Variants in EPHX2 observed in about 807,000 individuals in gnomAD.
EPHX2 encodes the protein bifunctional epoxide hydrolase 2.
Under a neutral mutation model 78.7 loss-of-function variants are expected in EPHX2, and 74 were observed. The ratio of observed to expected loss-of-function variants is 0.94; its 90% CI spans 0.78 to 1.14. EPHX2 has a LOEUF of 1.14. Among genes scored for constraint, EPHX2 ranks in the 50% most tolerant of loss-of-function variants. The pLI is 0.00. For synonymous variants in EPHX2, 251 were observed against 255.2 expected (o/e 0.98, Z 0.16); for missense variants, 715 against 702.5 (o/e 1.02, Z -0.20).
chr8:27,495,181 A>C (rs892426010), intron 1 of EPHX2, among the ~76,000 whole-genome samples: 3 of 152,190 alleles, frequency 2.0e-5, no homozygotes, highest in Admixed American at 1.3e-4. Flanking sequence ...CCCCCTTTCC[A>C]TATTGCAGCA....
At chr8:27,514,029 T>C (rs7000388) in intron 6 of EPHX2, among the ~76,000 whole-genome samples, 43,280 of 152,112 alleles carry the variant, frequency 0.28, 8,993 homozygotes, top group African/African-American at 0.59. Flanking sequence ...AATAAAACTT[T>C]CTGTGGGGCC....
intron 6 of EPHX2, 184 bp downstream of exon 6, chr8:27,512,094 T>G: frequency 3.0e-6 from 1 of 337,398 alleles, no homozygotes. Flanking sequence ...TGAAACCCTG[T>G]CTCAAGAAAA....
downstream of EPHX2, among the ~76,000 whole-genome samples, chr8:27,546,128 C>CAAA (rs368341959): frequency 1.2e-5 from 1 of 86,854 alleles, no homozygotes. Flanking sequence ...GACTCCGACT[C>CAAA]AAAAAAAAAA....
At chr8:27,538,501 G>A (rs1446540320) in intron 13 of EPHX2, among the ~76,000 whole-genome samples, 158 bp from the exon 14 acceptor site, 1 of 152,200 alleles carries the variant, frequency 6.6e-6, no homozygotes, top group Non-Finnish European at 1.5e-5. Context: ...CCACATGTTT[G>A]TTACAGTCTG....
At chr8:27,527,387 A>G (rs575541668) in intron 12 of EPHX2, among the ~76,000 whole-genome samples, 1 of 152,168 alleles carries the variant, frequency 6.6e-6, no homozygotes, top group South Asian at 2.1e-4. Flanking sequence ...ATTGTGGTAA[A>G]ACACATGTAA....
chr8:27,545,836 T>C (rs912188070), downstream of EPHX2, among the ~76,000 whole-genome samples: 4 of 152,068 alleles, frequency 2.6e-5, no homozygotes, highest in African/African-American at 9.7e-5. Flanking sequence ...TATCTGTGTA[T>C]AGGGAGAAAG....
At chr8:27,536,504 A>G (rs1310903081) in intron 12 of EPHX2, among the ~76,000 whole-genome samples, 2 of 152,218 alleles carry the variant, frequency 1.3e-5, no homozygotes, top group African/African-American at 4.8e-5. Context: ...AGAGATTATT[A>G]TAAGTAGTAC....
Position 27,521,002 on chromosome 8 carries a change from G to C in EPHX2, c.972+93G>C, listed in dbSNP as rs927949553. The C allele has an allele frequency of 4.6e-6, 7 of 1,517,130 alleles. No homozygotes were observed. In the African/African-American group the frequency reaches 9.6e-5, roughly 21 times the overall value. The allele number at this position is 1,517,130 out of a possible 1,614,324, so 94.0% of individuals were successfully genotyped here. On this transcript the variant is annotated intron_variant, in intron 10 of 18. Transcript: ENST00000521400. ...CGTCAGCCTCGAGCAGAGGTGCACGGGCAGGGAGGGCCCATTTTGGGGCAG... is the reference window on the plus strand; with the variant it reads ...CGTCAGCCTCGAGCAGAGGTGCACGCGCAGGGAGGGCCCATTTTGGGGCAG...
chr8:27,495,368 C>T (rs961640849), intron 1 of EPHX2, among the ~76,000 whole-genome samples: 1 of 152,146 alleles, frequency 6.6e-6, no homozygotes, highest in African/African-American at 2.4e-5. Context: ...TATAACCTGC[C>T]CTTCATATCC....
chr8:27,504,200 A>G (rs971935751), intron 3 of EPHX2, among the ~76,000 whole-genome samples: 8 of 152,220 alleles, frequency 5.3e-5, no homozygotes, highest in African/African-American at 1.4e-4. Flanking sequence ...AAGTTCATCC[A>G]TAGGCGTTGA....
chr8:27,522,325 G>A, intron 10 of EPHX2, 98 bp from the exon 11 acceptor site: 1 of 1,128,082 alleles, frequency 8.9e-7, no homozygotes, highest in South Asian at 1.4e-5. Flanking sequence ...GTCGGGGGAG[G>A]AGACCCTGGT....
At chr8:27,498,706 A>G (rs886089990) in intron 1 of EPHX2, among the ~76,000 whole-genome samples, 1 of 152,132 alleles carries the variant, frequency 6.6e-6, no homozygotes, top group African/African-American at 2.4e-5. Context: ...TAGGATTGTT[A>G]AGTTGAATAT....
rs4149243 is a variant in EPHX2, at chr8:27,516,406, T to C, written c.910+8T>C. ...AGTCATCTGCTCCTCCCGGTGGGTG[T>C]GCTGTCTTGCAGCTGTCTTATGCTG... On this transcript the variant is annotated splice_region_variant and intron_variant, in intron 8 of 18. Coordinates refer to ENST00000521400, the MANE Select transcript of EPHX2 (RefSeq NM_001979.6). 299,447 of 1,612,588 alleles carry C rather than the reference T, an allele frequency of 0.19. 35,309 individuals carry two copies. The highest frequency in any genetic ancestry group is 0.59 in the African/African-American group (44,229 of 74,956).
rs1166498854 is a variant in EPHX2 at position 27,525,436 on chromosome 8, A to G, written c.1133A>G (p.Asn378Ser). 6.2e-7 allele frequency: 1 copy of G among 1,614,168 alleles called. No individual in the cohort carries two copies. The change falls in exon 12 of 19, where the codon AAC becomes AGC. Residue 378 changes from asparagine (N) to serine (S), a missense_variant. By Grantham distance (46) the Asn-to-Ser change is conservative. Transcript: ENST00000521400. ...NMSPLESIKANPVFDYQLYFQ... is the reference protein window; with the variant it reads ...NMSPLESIKASPVFDYQLYFQ... ...TCCCCTTTGGAGAGTATCAAAGCCA[A>G]CCCAGTATTTGATTACCAGCTCTAC...
At chr8:27,541,703 G>C (rs893144079) in intron 16 of EPHX2, among the ~76,000 whole-genome samples, 161 bp downstream of exon 16, 4 of 152,180 alleles carry the variant, frequency 2.6e-5, no homozygotes, top group Non-Finnish European at 5.9e-5. Flanking sequence ...CCCTTCAGGG[G>C]TTTCCCTAGG....
chr8:27,516,635 A>G (rs1157066527), intron 8 of EPHX2, among the ~76,000 whole-genome samples: 1 of 152,012 alleles, frequency 6.6e-6, no homozygotes, highest in Non-Finnish European at 1.5e-5. Context: ...GCTCCAAGGG[A>G]TCTCCCACTG....
rs141078179 is a variant in EPHX2 at position 27,510,851 on chromosome 8, A to G, written c.661-985A>G. On this transcript the variant is annotated intron_variant, in intron 5 of 18. Transcript: ENST00000521400. ...ATAGTCCCAGCTACTTAGGAGGCTG[A>G]GGTGGGAGGATCCCTTGAGCCAAGG... 2.5e-3 allele frequency among the ~76,000 whole-genome samples: 375 copies of G among 152,140 alleles called. 3 individuals are homozygous for G. Among genetic ancestry groups the G allele is most frequent in the African/African-American group, 8.5e-3 (351 of 41,512 alleles).
At chr8:27,540,878 T>C (rs1815376701) in intron 15 of EPHX2, among the ~76,000 whole-genome samples, 2 of 152,222 alleles carry the variant, frequency 1.3e-5, no homozygotes, top group African/African-American at 2.4e-5. Context: ...CTTATGCTTA[T>C]GGGGCCCCCA....
rs137884519 is a variant in EPHX2, at chr8:27,525,525, C to T, written c.1170+52C>T. 4.4e-5 allele frequency: 62 copies of T among 1,414,562 alleles called. No homozygotes were observed. In the African/African-American group the frequency reaches 8.3e-4, roughly 19 times the overall value. 87.6% of individuals were successfully genotyped at this position (1,414,562 alleles called of 1,614,324 possible). A position where few individuals can be genotyped will look rare whatever the true frequency, so the allele number is the denominator to read the frequency against. ...GGGAGCATTAGTGTTTGCCTTTCCC[C>T]TTCCTGTCTCCTTCTTATTTGCTTT... On this transcript the variant is annotated intron_variant, in intron 12 of 18. Coordinates refer to ENST00000521400, the MANE Select transcript of EPHX2 (RefSeq NM_001979.6).
Sources: gnomAD v4.1 joint callset for allele counts (sites outside exome capture counted in the v4.1 genomes callset) on GRCh38, gnomAD v4.1.1 for gene constraint, MANE v1.5 for transcripts, NCBI Gene and HGNC (gene_info 2026-07-23, HGNC 2026-07-21) for gene names.